Variants in PCYT1B observed in about 807,000 individuals in gnomAD.
PCYT1B encodes choline-phosphate cytidylyltransferase B.
A neutral mutation model predicts 26.4 loss-of-function variants in PCYT1B; 10 were observed. The ratio of observed to expected loss-of-function variants is 0.38; its 90% CI spans 0.23 to 0.64. The LOEUF is 0.64. Ranked by LOEUF, PCYT1B falls within the 30% of genes least tolerant of loss-of-function variation. The pLI, the probability that PCYT1B is intolerant of heterozygous loss-of-function variation, is 0.56. For synonymous variants in PCYT1B, 131 were observed against 108.4 expected, an observed-to-expected ratio of 1.21 and a Z score of -1.29; for missense variants, 161 against 292.7, an observed-to-expected ratio of 0.55 and a Z score of 3.28.
At chrX:24,659,554 G>A (rs1926988240) in intron 1 of PCYT1B, among the ~76,000 whole-genome samples, 1 of 111,510 alleles carries the variant, frequency 9.0e-6, no homozygotes, top group African/African-American at 3.3e-5. Flanking sequence ...ACACTTTAGG[G>A]GTGTCTTAGT....
At chrX:24,612,327 CA>C (rs1227307591) in intron 2 of PCYT1B, among the ~76,000 whole-genome samples, 1 of 112,516 alleles carries the variant, frequency 8.9e-6, no homozygotes, top group East Asian at 2.8e-4. Flanking sequence ...GTTTGCTCTT[CA>C]AAAGACATTT....
intron 4 of PCYT1B, among the ~76,000 whole-genome samples, chrX:24,587,835 G>A (rs766633194): frequency 1.8e-5 from 2 of 112,622 alleles, no homozygotes; most frequent in East Asian, 5.6e-4. Flanking sequence ...GACATAAGGT[G>A]CTGAAACTAG....
In PCYT1B at chrX:24,561,932, C is replaced by T. The variant is rs1923431411; in HGVS notation, c.*361G>A. 2.0e-6 allele frequency: 1 copy of T among 509,188 alleles called. No homozygotes were observed. The highest frequency in any genetic ancestry group is 3.1e-5 in the South Asian group (1 of 32,148). 42.0% of individuals were successfully genotyped at this position (509,188 alleles called of 1,213,427 possible). On this transcript the variant is annotated 3_prime_UTR_variant, in exon 8 of 8. Coordinates refer to ENST00000379144, the MANE Select transcript of PCYT1B (RefSeq NM_004845.5). ...ACGCAGAAGTAGCAGGTTGAGGGAA[C>T]AGCCGCTGCCACAGGTGGTTTACTT...
chrX:24,637,491 A>AAAAAT, intron 1 of PCYT1B, among the ~76,000 whole-genome samples: 2 of 52,894 alleles, frequency 3.8e-5, no homozygotes, highest in Non-Finnish European at 5.8e-5. Context: ...AAAAAAAAAA[A>AAAAAT]ATATATATAT....
chrX:24,562,883 A>G (rs1315727187), intron 7 of PCYT1B, among the ~76,000 whole-genome samples: 1 of 109,976 alleles, frequency 9.1e-6, no homozygotes, highest in African/African-American at 3.3e-5. Flanking sequence ...GCCCGCCACC[A>G]TGCCCGGCTA....
intron 1 of PCYT1B, among the ~76,000 whole-genome samples, chrX:24,634,761 C>CAAG (rs1459315086): frequency 9.1e-6 from 1 of 110,380 alleles, no homozygotes; most frequent in East Asian, 2.8e-4. Flanking sequence ...AAACAAACAA[C>CAAG]AACAACAACA....
At chrX:24,629,579 A>C (rs1339131680) in intron 1 of PCYT1B, among the ~76,000 whole-genome samples, 2 of 100,100 alleles carry the variant, frequency 2.0e-5, no homozygotes, top group Admixed American at 2.3e-4. Flanking sequence ...AAAAAAAAAA[A>C]AAAAAAAAAA....
At position 24,641,740 on chromosome X, in the gene PCYT1B, A is replaced by G. The variant is rs1331954853; in HGVS notation, c.117+5249T>C. Reference sequence around the variant, plus strand: ...TTTTTATATTGCATGCTGACATAATATTTTGGATACAAAATTAATTTCACC... The same window carrying G: ...TTTTTATATTGCATGCTGACATAATGTTTTGGATACAAAATTAATTTCACC... On this transcript the variant is annotated intron_variant, in intron 1 of 7. Transcript: ENST00000379144. Among the ~76,000 whole-genome samples, 3 of 112,466 alleles carry G rather than the reference A, an allele frequency of 2.7e-5. No homozygotes were observed. The East Asian group carries it at 8.3e-4, about 31-fold the overall frequency.
At chrX:24,633,499 A>C (rs1215866414) in intron 1 of PCYT1B, among the ~76,000 whole-genome samples, 2 of 110,117 alleles carry the variant, frequency 1.8e-5, no homozygotes, top group African/African-American at 6.6e-5. Context: ...CATGGTGAAC[A>C]CCGTCTCTAC....
At chrX:24,664,583 C>T (rs1476183028) in intron 1 of PCYT1B, among the ~76,000 whole-genome samples, 2 of 112,221 alleles carry the variant, frequency 1.8e-5, no homozygotes, top group Non-Finnish European at 3.8e-5. Context: ...TTGTTTCCAA[C>T]TATTATGCCA....
chrX:24,625,146 G>C (rs1003248400), intron 1 of PCYT1B, among the ~76,000 whole-genome samples: 1 of 111,902 alleles, frequency 8.9e-6, no homozygotes, highest in Non-Finnish European at 1.9e-5. Flanking sequence ...ATTTTAATCA[G>C]GATATGCAAA....
chrX:24,586,042 C>T, intron 5 of PCYT1B, among the ~76,000 whole-genome samples: 1 of 111,932 alleles, frequency 8.9e-6, no homozygotes, highest in Non-Finnish European at 1.9e-5. Flanking sequence ...ACACGCTGTG[C>T]TTCATACAGT....
In PCYT1B at chrX:24,562,093, C is replaced by A. The variant is rs762869427; in HGVS notation, c.*200G>T. On this transcript the variant is annotated 3_prime_UTR_variant, in exon 8 of 8. Transcript: ENST00000379144. The stretch of plus-strand genomic sequence containing the variant: ...TTGTGTAGGTTGTCCAGCTAGAAGT[C>A]TCTGCACCTCGCCCAACTCTTCAGC... 5.8e-6 allele frequency: 7 copies of A among 1,208,798 alleles called. No individual in the cohort carries two copies. The highest frequency in any genetic ancestry group is 6.7e-6 in the Non-Finnish European group (6 of 894,373).
chrX:24,587,323 T>C lies in PCYT1B; in HGVS notation c.487-4A>G. 1 of 1,165,243 alleles carries C rather than the reference T, an allele frequency of 8.6e-7. No individual in the cohort carries two copies. The highest frequency in any genetic ancestry group is 1.2e-6 in the Non-Finnish European group (1 of 853,531). ...CATCATGAGCCACAAAGTCAATCTG[T>C]TGAAGAGAGAGAAGAGTGATGTCAC... On this transcript the variant is annotated splice_region_variant and splice_polypyrimidine_tract_variant and intron_variant, in intron 4 of 7. Coordinates refer to ENST00000379144, the MANE Select transcript of PCYT1B (RefSeq NM_004845.5).
intron 3 of PCYT1B, among the ~76,000 whole-genome samples, chrX:24,606,053 C>CAAAA (rs35072094): frequency 1.1e-4 from 6 of 52,434 alleles, no homozygotes; most frequent in Non-Finnish European, 1.0e-4. Flanking sequence ...GACTCCATCT[C>CAAAA]AAAAAAAAAA....
intron 6 of PCYT1B, among the ~76,000 whole-genome samples, chrX:24,578,504 T>G (rs1272745426): frequency 8.9e-6 from 1 of 112,327 alleles, no homozygotes; most frequent in African/African-American, 3.2e-5. Context: ...GTTGCTCTAT[T>G]ATTAAACTAA....
intron 7 of PCYT1B, among the ~76,000 whole-genome samples, chrX:24,573,360 T>A (rs1923915877): frequency 9.0e-6 from 1 of 110,649 alleles, no homozygotes; most frequent in Admixed American, 9.7e-5. Flanking sequence ...GATACGGGGT[T>A]TCACCATGTT....
At chrX:24,648,335 T>G (rs1265541574), upstream of PCYT1B, among the ~76,000 whole-genome samples, 1 of 111,054 alleles carries the variant, frequency 9.0e-6, no homozygotes, top group Admixed American at 9.7e-5. Flanking sequence ...GTACTTTACC[T>G]AGTTCTTGTT....
At chrX:24,661,055 A>T (rs1022650549) in intron 1 of PCYT1B, among the ~76,000 whole-genome samples, 18 of 111,990 alleles carry the variant, frequency 1.6e-4, no homozygotes, top group East Asian at 2.8e-4. Flanking sequence ...TATCCTTTTT[A>T]AAAAAAGATA....
Sources: gnomAD v4.1 joint callset for allele counts (sites outside exome capture counted in the v4.1 genomes callset) on GRCh38, gnomAD v4.1.1 for gene constraint, MANE v1.5 for transcripts, NCBI Gene and HGNC (gene_info 2026-07-23, HGNC 2026-07-21) for gene names.